Variants in TAS2R1 observed in about 807,000 individuals in gnomAD.
TAS2R1 encodes taste 2 receptor member 1, also known as taste receptor type 2 member 1.
For missense variants in TAS2R1, 370 were observed against 353.4 expected (o/e 1.05, Z -0.38); for synonymous variants, 141 against 134.2 (o/e 1.05, Z -0.35).
chr5:9,843,259 T>C, the TAS2R1 span, among the ~76,000 whole-genome samples: 1,738 of 152,328 alleles, frequency 0.011, 25 homozygotes, highest in African/African-American at 0.036. Flanking sequence ...GACTTTTAAA[T>C]AAATATTTAC....
chr5:9,840,857 ATTTTTTTTTTTTTTTTTTTTTT>A, the TAS2R1 span, among the ~76,000 whole-genome samples: 15,275 of 132,162 alleles, frequency 0.12, 1,098 homozygotes, highest in Non-Finnish European at 0.14. Context: ...TTATTTATTT[ATTTTTTTTTTTTTTTTTTTTTT>A]TTTTTTTTTT....
the TAS2R1 span, among the ~76,000 whole-genome samples, chr5:9,800,450 GAATGGGAGGTGGTGAAATACA>G: frequency 6.6e-6 from 1 of 152,338 alleles, no homozygotes; most frequent in Non-Finnish European, 1.5e-5. Context: ...ACTGTGGAAA[GAATGGGAGGTGGTGAAATACA>G]CTTAACACAG....
At chr5:9,777,698 A>G in the TAS2R1 span, among the ~76,000 whole-genome samples, 1 of 152,236 alleles carries the variant, frequency 6.6e-6, no homozygotes, top group East Asian at 1.9e-4. Flanking sequence ...GATCCATCAC[A>G]GTAATCACTA....
chr5:9,891,774 A>T, the TAS2R1 span, among the ~76,000 whole-genome samples: 42 of 152,342 alleles, frequency 2.8e-4, no homozygotes, highest in Non-Finnish European at 5.0e-4. Context: ...CCATCAGGGC[A>T]GTTGGACAGT....
the TAS2R1 span, among the ~76,000 whole-genome samples, chr5:9,840,846 T>C: frequency 3.2e-4 from 4 of 12,616 alleles, no homozygotes; most frequent in Admixed American, 2.0e-3. Flanking sequence ...TATTTATTTA[T>C]TTATTTATTT....
the TAS2R1 span, among the ~76,000 whole-genome samples, chr5:9,833,741 C>T: frequency 6.6e-6 from 1 of 152,134 alleles, no homozygotes; most frequent in African/African-American, 2.4e-5. Flanking sequence ...AATATAAATA[C>T]AGTTGTATCA....
chr5:9,687,593 A>G (rs138571591), intron 1 of TAS2R1, among the ~76,000 whole-genome samples: 79 of 152,274 alleles, frequency 5.2e-4, no homozygotes, highest in African/African-American at 1.8e-3. Flanking sequence ...TCCCCCGAAG[A>G]AGAAAACAAT....
chr5:9,789,392 G>A, the TAS2R1 span, among the ~76,000 whole-genome samples: 4 of 152,118 alleles, frequency 2.6e-5, no homozygotes, highest in Admixed American at 6.5e-5. Context: ...CAGATCCTTC[G>A]ACAGATTTAA....
chr5:9,666,053 G>A (rs980036763), intron 1 of TAS2R1, among the ~76,000 whole-genome samples: 8 of 152,110 alleles, frequency 5.3e-5, no homozygotes, highest in African/African-American at 1.9e-4. Context: ...CTGGATTCAG[G>A]AAAGTTATAT....
chr5:9,774,040 A>G, the TAS2R1 span, among the ~76,000 whole-genome samples: 1 of 152,160 alleles, frequency 6.6e-6, no homozygotes, highest in African/African-American at 2.4e-5. Context: ...CCTCTTTAAG[A>G]CCACTAACTC....
At chr5:9,832,359 T>A in the TAS2R1 span, among the ~76,000 whole-genome samples, 1 of 152,196 alleles carries the variant, frequency 6.6e-6, no homozygotes, top group African/African-American at 2.4e-5. Context: ...TGTCCTGAAA[T>A]ATGATCTCAG....
chr5:9,702,474 G>A (rs552816509), intron 1 of TAS2R1, among the ~76,000 whole-genome samples: 8 of 152,226 alleles, frequency 5.3e-5, no homozygotes, highest in African/African-American at 1.2e-4. Flanking sequence ...CCAAACTGCC[G>A]TTGGTGCCGA....
rs115223911 is a variant in TAS2R1 at position 9,649,589 on chromosome 5, A to G, written c.-81+9832T>C. ...AATTCAATAAAAAGTCAGCAATAAC[A>G]TGTCCAAGGGCATGTTATCTCAAAT... On this transcript the variant is annotated intron_variant, in intron 2 of 2. Transcript: ENST00000506620. Among the ~76,000 whole-genome samples the G allele has an allele frequency of 8.9e-3, 1,350 of 152,282 alleles. 28 individuals carry two copies. Among genetic ancestry groups the G allele is most frequent in the African/African-American group, 0.031 (1,287 of 41,558 alleles).
At chr5:9,811,685 C>A in the TAS2R1 span, among the ~76,000 whole-genome samples, 11 of 152,138 alleles carry the variant, frequency 7.2e-5, no homozygotes, top group African/African-American at 1.7e-4. Context: ...TTTAACAACA[C>A]CCACATTCTG....
At chr5:9,714,140 T>A (rs1734759421), upstream of TAS2R1, 1 of 152,134 alleles carries the variant, frequency 6.6e-6, no homozygotes, top group Non-Finnish European at 1.5e-5. Flanking sequence ...GAAATCAACA[T>A]CCACTGAGAC....
the TAS2R1 span, among the ~76,000 whole-genome samples, chr5:9,800,612 G>A: frequency 6.6e-6 from 1 of 152,224 alleles, no homozygotes; most frequent in Non-Finnish European, 1.5e-5. Context: ...TGTGTATAGA[G>A]TGAAGGGAGG....
chr5:9,720,987 GC>G, the TAS2R1 span, among the ~76,000 whole-genome samples: 10 of 152,166 alleles, frequency 6.6e-5, no homozygotes, highest in Non-Finnish European at 1.0e-4. Flanking sequence ...TTCCACTAGG[GC>G]TGCTGCAGCG....
chr5:9,803,287 G>A, the TAS2R1 span, among the ~76,000 whole-genome samples: 2 of 152,220 alleles, frequency 1.3e-5, no homozygotes, highest in Non-Finnish European at 2.9e-5. Context: ...TACTGAGGAA[G>A]AAGATAAATC....
chr5:9,845,571 G>A, the TAS2R1 span, among the ~76,000 whole-genome samples: 1 of 152,124 alleles, frequency 6.6e-6, no homozygotes, highest in African/African-American at 2.4e-5. Context: ...CAAGTATGGT[G>A]CATTAATTCA....
Sources: allele counts gnomAD v4.1 joint callset (sites outside exome capture counted in the v4.1 genomes callset), GRCh38; gene constraint gnomAD v4.1.1; transcripts MANE v1.5; gene names NCBI Gene and HGNC (gene_info 2026-07-23, HGNC 2026-07-21).